The following B3GALNT1 variants were observed in gnomAD, a reference collection of about 807,000 sequenced individuals.
B3GALNT1 encodes beta-1,3-N-acetylgalactosaminyltransferase 1 (Globoside blood group).
B3GALNT1 carries 17 observed loss-of-function variants against 27.3 expected under a neutral mutation model. That is an observed-to-expected ratio of 0.62 (90% CI 0.43 to 0.94). The LOEUF (loss-of-function observed/expected upper bound fraction) is 0.94, where lower values mean the gene tolerates loss of function less well. B3GALNT1 is among the 40% of genes least tolerant of loss of function. The pLI is 0.00. For synonymous variants in B3GALNT1, 141 were observed against 144.0 expected (o/e 0.98, Z 0.15); for missense variants, 347 against 390.0 (o/e 0.89, Z 0.93).
At chr3:161,090,233 A>C (rs1724318496) in intron 4 of B3GALNT1, among the ~76,000 whole-genome samples, 1 of 152,218 alleles carries the variant, frequency 6.6e-6, no homozygotes, top group South Asian at 2.1e-4. Flanking sequence ...ACACAGTATC[A>C]AAATATATAA....
intron 4 of B3GALNT1, among the ~76,000 whole-genome samples, chr3:161,093,609 G>T (rs1196230899): frequency 1.3e-5 from 2 of 152,098 alleles, no homozygotes; most frequent in Non-Finnish European, 2.9e-5. Flanking sequence ...AGCCCCAACA[G>T]GGAAGTACAC....
At chr3:161,092,056 G>C (rs557501666) in intron 4 of B3GALNT1, among the ~76,000 whole-genome samples, 1 of 152,012 alleles carries the variant, frequency 6.6e-6, no homozygotes, top group Non-Finnish European at 1.5e-5. Context: ...ATAATTAATC[G>C]TAACATCATA....
At chr3:161,086,897 A>T in intron 4 of B3GALNT1, 109 bp from the exon 5 acceptor site, 1 of 1,211,494 alleles carries the variant, frequency 8.3e-7, no homozygotes, top group Non-Finnish European at 1.2e-6. Flanking sequence ...GAATCTCCAG[A>T]GTAAAACAAA....
rs1731034573 is a variant in B3GALNT1, at chr3:161,101,167, GCAC to G, written c.-66_-64del. ...TACACTCGGGGTGAGTAGTCGGAGA[GCAC>G]CACGTGATAGAGCAGCCAGCGGGAA... On this transcript the variant is annotated 5_prime_UTR_variant, in exon 4 of 5. Coordinates refer to ENST00000320474, the MANE Select transcript of B3GALNT1 (RefSeq NM_003781.4). 7.8e-7 allele frequency: 1 copy of G among 1,289,752 alleles called. No individual in the cohort carries two copies. The highest frequency in any genetic ancestry group is 1.0e-6 in the Non-Finnish European group (1 of 988,888). The allele number at this position is 1,289,752 out of a possible 1,614,324, so 79.9% of individuals were successfully genotyped here.
chr3:161,092,009 T>G (rs1725371148), intron 4 of B3GALNT1, among the ~76,000 whole-genome samples: 1 of 152,180 alleles, frequency 6.6e-6, no homozygotes, highest in Non-Finnish European at 1.5e-5. Flanking sequence ...AATATAAACT[T>G]TACATTGGAG....
chr3:161,085,638 T>TGA lies in B3GALNT1; in HGVS notation c.*119_*120dup. On this transcript the variant is annotated 3_prime_UTR_variant, in exon 5 of 5. Coordinates refer to ENST00000320474, the MANE Select transcript of B3GALNT1 (RefSeq NM_003781.4). The stretch of plus-strand genomic sequence containing the variant: ...TCCAGTCTCCAGTCTGGGTTTTTCA[T>TGA]GAGTTTCAGTTCAGTGTAAGCCAGC... The TGA allele has an allele frequency of 9.1e-7, 1 of 1,098,962 alleles. No individual in the cohort carries two copies. Among genetic ancestry groups the TGA allele is most frequent in the Non-Finnish European group, 1.4e-6 (1 of 727,518 alleles). 68.1% of individuals were successfully genotyped at this position (1,098,962 alleles called of 1,614,324 possible). A position where few individuals can be genotyped will look rare whatever the true frequency, so the allele number is the denominator to read the frequency against.
chr3:161,096,790 C>G (rs1206568545), intron 4 of B3GALNT1, among the ~76,000 whole-genome samples: 1 of 152,190 alleles, frequency 6.6e-6, no homozygotes, highest in Non-Finnish European at 1.5e-5. Context: ...TTTTCTTCCC[C>G]TCTTCTTTAA....
chr3:161,091,550 C>T (rs995587829), intron 4 of B3GALNT1, among the ~76,000 whole-genome samples: 7 of 152,222 alleles, frequency 4.6e-5, no homozygotes, highest in African/African-American at 1.2e-4. Flanking sequence ...TGCTACCCAC[C>T]TGTTAGTCAC....
At position 161,086,314 on chromosome 3, in the gene B3GALNT1, A is replaced by G. The variant is rs763346749; in HGVS notation, c.441T>C (p.Asp147=). 3 of 1,614,192 alleles carry G rather than the reference A, an allele frequency of 1.9e-6. No individual in the cohort carries two copies. In the South Asian group the frequency reaches 3.3e-5, roughly 18 times the overall value. ...TCAGGTTATTATATGTGTCTAAAAA[A>G]TCTTGTCGGATTATGTCACCATAAA... ...HLLYGDIIRQ[D]FLDTYNNLTL... is the part of the protein sequence containing the mutation. Residue 147 remains aspartate, a synonymous_variant, in exon 5 of 5, where the codon GAT becomes GAC. Transcript: ENST00000320474.
chr3:161,095,304 A>G (rs1041408478), intron 4 of B3GALNT1, among the ~76,000 whole-genome samples: 1 of 152,170 alleles, frequency 6.6e-6, no homozygotes, highest in Non-Finnish European at 1.5e-5. Flanking sequence ...CCTTATCTCA[A>G]GTAGTTCCCC....
intron 4 of B3GALNT1, chr3:161,089,799 T>C (rs903317778): frequency 1.3e-5 from 2 of 150,202 alleles, no homozygotes; most frequent in Non-Finnish European, 3.0e-5. Flanking sequence ...CTGGGCATGG[T>C]GGCTCATGCC....
At chr3:161,098,312 C>T (rs972998937) in intron 4 of B3GALNT1, among the ~76,000 whole-genome samples, 2 of 152,214 alleles carry the variant, frequency 1.3e-5, no homozygotes, top group Non-Finnish European at 2.9e-5. Flanking sequence ...CACTGCACTA[C>T]AAAAGCTTCC....
chr3:161,103,715 G>A (rs943335886), intron 2 of B3GALNT1, among the ~76,000 whole-genome samples, 198 bp from the exon 3 acceptor site: 3 of 152,118 alleles, frequency 2.0e-5, no homozygotes, highest in Admixed American at 2.0e-4. Flanking sequence ...ATTATACTTG[G>A]ACACTGTTTT....
chr3:161,097,499 T>C (rs1393047024), intron 4 of B3GALNT1, among the ~76,000 whole-genome samples: 3 of 152,176 alleles, frequency 2.0e-5, no homozygotes, highest in Non-Finnish European at 4.4e-5. Context: ...CAGTAAGTCT[T>C]CTCCTAGAGT....
At chr3:161,092,249 T>A (rs767513420) in intron 4 of B3GALNT1, among the ~76,000 whole-genome samples, 1 of 152,316 alleles carries the variant, frequency 6.6e-6, no homozygotes, top group Non-Finnish European at 1.5e-5. Flanking sequence ...TGGTATGTCT[T>A]CCAATGGAAT....
intron 1 of B3GALNT1, 146 bp downstream of exon 1, chr3:161,105,089 G>A (rs1040765642): frequency 6.6e-6 from 1 of 152,262 alleles, no homozygotes; most frequent in Admixed American, 6.5e-5. Context: ...AGAGGAGTGG[G>A]CGGTGCCTCC....
At chr3:161,103,887 C>A (rs959778998) in intron 2 of B3GALNT1, 2 of 178,574 alleles carry the variant, frequency 1.1e-5, no homozygotes, top group African/African-American at 4.8e-5. Flanking sequence ...GCCACCACAC[C>A]CAGCTAATTT....
At chr3:161,095,684 A>G (rs759340491) in intron 4 of B3GALNT1, among the ~76,000 whole-genome samples, 1 of 152,150 alleles carries the variant, frequency 6.6e-6, no homozygotes, top group African/African-American at 2.4e-5. Flanking sequence ...TAAGCTGCTA[A>G]CCCTGGTAGT....
At chr3:161,099,423 T>C (rs917286230) in intron 4 of B3GALNT1, among the ~76,000 whole-genome samples, 2 of 152,196 alleles carry the variant, frequency 1.3e-5, no homozygotes, top group African/African-American at 4.8e-5. Flanking sequence ...AAAAACCAGC[T>C]GCACAAGGGC....
Sources: gnomAD v4.1 joint callset for allele counts (sites outside exome capture counted in the v4.1 genomes callset) on GRCh38, gnomAD v4.1.1 for gene constraint, MANE v1.5 for transcripts, NCBI Gene and HGNC (gene_info 2026-07-23, HGNC 2026-07-21) for gene names.